AXL: variants seen among roughly 807,000 people sequenced by gnomAD.
AXL encodes the protein tyrosine-protein kinase receptor UFO.
A neutral mutation model predicts 104.5 loss-of-function variants in AXL; 52 were observed. That is an observed-to-expected ratio of 0.50 (90% confidence interval 0.40 to 0.63). The LOEUF is 0.63. Ranked by LOEUF, AXL falls within the 20% of genes least tolerant of loss-of-function variation. AXL has a pLI of 0.00. For synonymous variants in AXL, 455 were observed against 473.7 expected (o/e 0.96, Z 0.51); for missense variants, 1,024 against 1,188.5 (o/e 0.86, Z 2.04).
At chr19:41,233,465 C>CA (rs1288241669) in intron 6 of AXL, among the ~76,000 whole-genome samples, 1 of 151,122 alleles carries the variant, frequency 6.6e-6, no homozygotes, top group Non-Finnish European at 1.5e-5. Context: ...CAGGTCTGTA[C>CA]AAAAAATTCA....
intron 3 of AXL, 172 bp from the exon 4 acceptor site, chr19:41,221,708 T>TG: frequency 1.6e-6 from 1 of 630,926 alleles, no homozygotes; most frequent in Non-Finnish European, 2.7e-6. Context: ...AATCAGATAT[T>TG]GGGGTCACGT....
chr19:41,232,107 C>A (rs930421468), intron 6 of AXL, among the ~76,000 whole-genome samples: 1 of 152,182 alleles, frequency 6.6e-6, no homozygotes, highest in African/African-American at 2.4e-5. Flanking sequence ...CCCATCCCAG[C>A]CCTGGCCACT....
intron 4 of AXL, among the ~76,000 whole-genome samples, chr19:41,229,116 A>C (rs939171483): frequency 1.3e-5 from 2 of 151,434 alleles, no homozygotes; most frequent in Non-Finnish European, 2.9e-5. Context: ...TGCCCAGCTA[A>C]TTTTTTGTAT....
At chr19:41,228,148 GTC>G (rs2122213037) in intron 4 of AXL, among the ~76,000 whole-genome samples, 1 of 152,284 alleles carries the variant, frequency 6.6e-6, no homozygotes, top group East Asian at 1.9e-4. Flanking sequence ...GCAGGTCTGT[GTC>G]TCTCGTGTTT....
chr19:41,247,718 G>A (rs2034293442), intron 12 of AXL, among the ~76,000 whole-genome samples: 1 of 151,784 alleles, frequency 6.6e-6, no homozygotes, highest in Non-Finnish European at 1.5e-5. Context: ...TGAGTAGCTG[G>A]GACTATAGGC....
At chr19:41,240,630 C>T (rs12982872) in intron 10 of AXL, among the ~76,000 whole-genome samples, 25,698 of 152,092 alleles carry the variant, frequency 0.17, 2,325 homozygotes, top group East Asian at 0.27. Flanking sequence ...CAATACTCCT[C>T]ACATCCCTTC....
At chr19:41,230,249 TG>T (rs1221841251) in intron 4 of AXL, among the ~76,000 whole-genome samples, 1 of 151,182 alleles carries the variant, frequency 6.6e-6, no homozygotes, top group Non-Finnish European at 1.5e-5. Flanking sequence ...TGTGTGTGCC[TG>T]TGTGTGACTG....
chr19:41,237,549 C>A (rs4637024), intron 6 of AXL, among the ~76,000 whole-genome samples: 19,954 of 152,152 alleles, frequency 0.13, 1,474 homozygotes, highest in South Asian at 0.32. Context: ...AGTCTATTTG[C>A]GTTATTATTG....
chr19:41,245,170 T>C (rs1459247320), intron 12 of AXL, among the ~76,000 whole-genome samples: 1 of 151,844 alleles, frequency 6.6e-6, no homozygotes, highest in Non-Finnish European at 1.5e-5. Flanking sequence ...AACCCGTGCC[T>C]CCCAAAGTGC....
chr19:41,235,526 A>G (rs2034065175), intron 6 of AXL, among the ~76,000 whole-genome samples: 1 of 152,184 alleles, frequency 6.6e-6, no homozygotes, highest in Non-Finnish European at 1.5e-5. Context: ...AGACTGAGGC[A>G]CACAGCTAGG....
rs1257464021 is a variant in AXL, at chr19:41,257,037, T to TA, written c.2196+427dup. On this transcript the variant is annotated intron_variant, in intron 18 of 19. Transcript: ENST00000301178. ...GTGTATACCCGTGTCAAGTATTTTT[T>TA]ATATATATATATTTTTCTTTTTTTG... Among the ~76,000 whole-genome samples the TA allele has an allele frequency of 2.0e-5, 3 of 152,088 alleles. No homozygotes were observed. In the East Asian group the frequency reaches 5.8e-4, roughly 29 times the overall value.
At chr19:41,247,472 C>T (rs1165523708) in intron 12 of AXL, among the ~76,000 whole-genome samples, 1 of 151,816 alleles carries the variant, frequency 6.6e-6, no homozygotes, top group Non-Finnish European at 1.5e-5. Flanking sequence ...CATCGCACTC[C>T]AGCCTGGGCA....
chr19:41,230,160 T>A (rs1196370682), intron 4 of AXL, among the ~76,000 whole-genome samples: 2 of 151,820 alleles, frequency 1.3e-5, no homozygotes, highest in Non-Finnish European at 2.9e-5. Flanking sequence ...TGTTTCTGTG[T>A]CTGTGTCTGT....
intron 4 of AXL, chr19:41,226,934 C>CAA: frequency 5.1e-6 from 2 of 395,822 alleles, no homozygotes; most frequent in Non-Finnish European, 6.8e-6. Context: ...CTCTTCTCTA[C>CAA]AAAAAAAAAT....
At chr19:41,220,051 C>G (rs2033759038) in intron 1 of AXL, among the ~76,000 whole-genome samples, 1 of 151,532 alleles carries the variant, frequency 6.6e-6, no homozygotes, top group African/African-American at 2.4e-5. Flanking sequence ...CTGCCTTTAT[C>G]TCTCCCTGCT....
chr19:41,257,686 C>G, intron 19 of AXL, 57 bp downstream of exon 19: 1 of 1,607,156 alleles, frequency 6.2e-7, no homozygotes, highest in Non-Finnish European at 8.5e-7. Context: ...CTGACTACCC[C>G]CAGATGGCCC....
intron 3 of AXL, 82 bp downstream of exon 3, chr19:41,221,328 G>A (rs1226081660): frequency 1.0e-5 from 10 of 952,510 alleles, no homozygotes. Context: ...ATCCTGAGGG[G>A]TCAAGGTCAA....
intron 18 of AXL, 49 bp from the exon 19 acceptor site, chr19:41,257,444 G>C (rs376787354): frequency 1.4e-5 from 23 of 1,611,534 alleles, no homozygotes; most frequent in Non-Finnish European, 2.0e-5. Flanking sequence ...GTATTGGTGC[G>C]GGTGATTCTG....
chr19:41,259,427 T>C, intron 19 of AXL, 126 bp from the exon 20 acceptor site: 1 of 781,852 alleles, frequency 1.3e-6, no homozygotes, highest in Non-Finnish European at 2.0e-6. Flanking sequence ...CTCAAACTGC[T>C]GAGGCTCCCT....
Sources: gnomAD v4.1 joint callset for allele counts (sites outside exome capture counted in the v4.1 genomes callset) on GRCh38, gnomAD v4.1.1 for gene constraint, MANE v1.5 for transcripts, NCBI Gene and HGNC (gene_info 2026-07-23, HGNC 2026-07-21) for gene names.